Variants in CEP83 observed in about 807,000 individuals in gnomAD.
CEP83 encodes the protein centrosomal protein of 83 kDa.
CEP83 carries 70 observed loss-of-function variants against 101.9 expected under a neutral mutation model. The observed-to-expected ratio is 0.69, with a 90% confidence interval of 0.57 to 0.84. The LOEUF is 0.84. Ranked by LOEUF, CEP83 falls within the 40% of genes least tolerant of loss-of-function variation. CEP83 has a pLI of 0.00. For synonymous variants in CEP83, 264 were observed against 267.9 expected (o/e 0.99, Z 0.14); for missense variants, 715 against 787.2 (o/e 0.91, Z 1.10).
intron 1 of CEP83, among the ~76,000 whole-genome samples, chr12:94,436,938 T>C (rs988100841): frequency 6.6e-6 from 1 of 151,298 alleles, no homozygotes; most frequent in African/African-American, 2.4e-5. Context: ...AGACCCAACA[T>C]AAGAATAATT....
intron 11 of CEP83, among the ~76,000 whole-genome samples, chr12:94,360,953 T>G (rs1377636102): frequency 6.6e-6 from 1 of 152,136 alleles, no homozygotes; most frequent in African/African-American, 2.4e-5. Flanking sequence ...TAATTCCACA[T>G]ATTTACAGAT....
intron 11 of CEP83, among the ~76,000 whole-genome samples, chr12:94,346,503 A>C (rs2059939435): frequency 6.6e-6 from 1 of 152,052 alleles, no homozygotes; most frequent in Non-Finnish European, 1.5e-5. Context: ...TGTTTCCTTA[A>C]GCTTGTGAAC....
intron 15 of CEP83, among the ~76,000 whole-genome samples, chr12:94,311,146 C>A (rs1240575860): frequency 6.6e-6 from 1 of 152,160 alleles, no homozygotes; most frequent in Non-Finnish European, 1.5e-5. Context: ...TCCATAAAAA[C>A]CCAAAAGCAT....
chr12:94,348,457 C>T (rs1310305585), intron 11 of CEP83, among the ~76,000 whole-genome samples: 1 of 151,964 alleles, frequency 6.6e-6, no homozygotes, highest in Non-Finnish European at 1.5e-5. Flanking sequence ...TTTAAAATAT[C>T]GTCATTTTGA....
chr12:94,294,524 A>G, the CEP83 span: 1 of 1,302,750 alleles, frequency 7.7e-7, no homozygotes, highest in Non-Finnish European at 1.1e-6. Context: ...TTAAGAAGAT[A>G]GCAAATTTTA....
At chr12:94,307,460 T>G (rs1169881758), downstream of CEP83, 2 of 152,222 alleles carry the variant, frequency 1.3e-5, no homozygotes, top group African/African-American at 4.8e-5. Context: ...ACAATTTCTA[T>G]TTTCAAGTTT....
chr12:94,326,100 C>T (rs1398698916), intron 14 of CEP83, among the ~76,000 whole-genome samples: 3 of 152,016 alleles, frequency 2.0e-5, no homozygotes, highest in Non-Finnish European at 4.4e-5. Context: ...TCCCCTGACC[C>T]GTAAGAAGGG....
At position 94,412,469 on chromosome 12, in the gene CEP83, C is replaced by T. The variant is rs757933173; in HGVS notation, c.22G>A (p.Asp8Asn). The change falls in exon 3 of 17, where the codon GAT (aspartate) becomes AAT (asparagine). Residue 8 changes from aspartate (D) to asparagine (N), a missense_variant. Transcript: ENST00000397809. MVVSTFT[D>N]MDTFPNNFPP... ...AAATTATTGGGAAAAGTGTCCATATCGGTAAATGTGCTGACAACCATGTAA... is the reference window on the plus strand; with the variant it reads ...AAATTATTGGGAAAAGTGTCCATATTGGTAAATGTGCTGACAACCATGTAA... The T allele has an allele frequency of 6.2e-6, 10 of 1,612,156 alleles. No individual in the cohort carries two copies. Among genetic ancestry groups the T allele is most frequent in the Admixed American group, 3.4e-5 (2 of 59,598 alleles).
At chr12:94,420,234 TA>T (rs979118693) in intron 2 of CEP83, among the ~76,000 whole-genome samples, 4 of 151,082 alleles carry the variant, frequency 2.6e-5, no homozygotes, top group Admixed American at 6.6e-5. Context: ...CTACTAAGGT[TA>T]AAAAAAAATA....
intron 1 of CEP83, among the ~76,000 whole-genome samples, chr12:94,447,028 A>T (rs2138491188): frequency 6.6e-6 from 1 of 152,288 alleles, no homozygotes; most frequent in South Asian, 2.1e-4. Flanking sequence ...GAAAAAACAA[A>T]TTTTTTTAAA....
intron 2 of CEP83, among the ~76,000 whole-genome samples, chr12:94,423,457 C>CTTTTTTTTTTT (rs763433431): frequency 1.1e-3 from 135 of 120,494 alleles, no homozygotes; most frequent in African/African-American, 3.8e-3. Context: ...TCTGGTTCAA[C>CTTTTTTTTTTT]TTTTTTTTTT....
intron 1 of CEP83, among the ~76,000 whole-genome samples, chr12:94,446,412 A>C (rs2066805632): frequency 6.6e-6 from 1 of 152,204 alleles, no homozygotes; most frequent in South Asian, 2.1e-4. Flanking sequence ...AGAACCTATC[A>C]ATAATGTTAA....
chr12:94,415,022 A>G (rs2064164306), intron 2 of CEP83, among the ~76,000 whole-genome samples: 2 of 152,124 alleles, frequency 1.3e-5, no homozygotes. Flanking sequence ...TTGGTGAAAA[A>G]AGTGTTTTAA....
chr12:94,297,493 A>G, the CEP83 span: 1 of 1,065,184 alleles, frequency 9.4e-7, no homozygotes, highest in Non-Finnish European at 1.4e-6. Context: ...CTTAATTTCC[A>G]CTGAAGTGTG....
chr12:94,305,256 G>T (rs1376666668), downstream of CEP83: 1 of 1,610,404 alleles, frequency 6.2e-7, no homozygotes, highest in African/African-American at 1.3e-5. Flanking sequence ...AGTCTTATTT[G>T]ATGAAAAGAA....
intron 2 of CEP83, among the ~76,000 whole-genome samples, chr12:94,413,985 G>T (rs959165861): frequency 9.2e-5 from 14 of 151,886 alleles, no homozygotes; most frequent in Non-Finnish European, 1.5e-5. Flanking sequence ...ATTCAGCCTT[G>T]CTTGAATTAT....
chr12:94,376,144 A>T, intron 7 of CEP83, 127 bp from the exon 8 acceptor site: 3 of 522,394 alleles, frequency 5.7e-6, no homozygotes, highest in Non-Finnish European at 8.8e-6. Context: ...ACATATACCA[A>T]TGTAACAAAA....
chr12:94,459,860 TCAGGGGTGCGGCGCCACCC>T (rs1212999212), exon 1 of CEP83: 1 of 153,350 alleles, frequency 6.5e-6, no homozygotes, highest in Non-Finnish European at 1.5e-5. Flanking sequence ...ACCGGGATCC[TCAGGGGTGCGGCGCCACCC>T]CACGTGCTGA....
intron 2 of CEP83, among the ~76,000 whole-genome samples, chr12:94,431,938 TA>T (rs2065657379): frequency 6.6e-6 from 1 of 152,204 alleles, no homozygotes; most frequent in African/African-American, 2.4e-5. Flanking sequence ...ATGGGGTATT[TA>T]TTCAAAGGAA....
Sources: gnomAD v4.1 joint callset for allele counts (sites outside exome capture counted in the v4.1 genomes callset) on GRCh38, gnomAD v4.1.1 for gene constraint, MANE v1.5 for transcripts, NCBI Gene and HGNC (gene_info 2026-07-23, HGNC 2026-07-21) for gene names.